CAMTA1: variants seen among roughly 807,000 people sequenced by gnomAD.
CAMTA1 encodes calmodulin-binding transcription activator 1.
Under a neutral mutation model 170.9 loss-of-function variants are expected in CAMTA1, and 27 were observed. The ratio of observed to expected loss-of-function variants is 0.16; its 90% CI spans 0.12 to 0.22. The LOEUF (loss-of-function observed/expected upper bound fraction) is 0.22. Ranked by LOEUF, CAMTA1 falls within the 10% of genes least tolerant of loss-of-function variation. The pLI, the probability that CAMTA1 is intolerant of heterozygous loss-of-function variation, is 1.00. For missense variants in CAMTA1, 1,619 were observed against 2,217.2 expected (o/e 0.73, Z 5.42); for synonymous variants, 833 against 891.5 (o/e 0.93, Z 1.17).
chr1:7,532,226 T>G lies in CAMTA1; in HGVS notation c.510+64325T>G, dbSNP rs1000608084. Among the ~76,000 whole-genome samples the G allele has an allele frequency of 1.3e-5, 2 of 152,164 alleles. No homozygotes were observed. The highest frequency in any genetic ancestry group is 2.9e-5 in the Non-Finnish European group (2 of 68,032). Reference sequence around the variant, plus strand: ...CTTCGGATTCTTGGTGGAGGGGACATTCTTGCACACTAGTGCCCTCAAGTC... The same window carrying G: ...CTTCGGATTCTTGGTGGAGGGGACAGTCTTGCACACTAGTGCCCTCAAGTC... On this transcript the variant is annotated intron_variant, in intron 6 of 22. Transcript: ENST00000303635. This position sits in a 1 kb window ranked among gnomAD's most constrained non-coding sequence, Gnocchi z 4.2.
intron 6 of CAMTA1, among the ~76,000 whole-genome samples, chr1:7,558,580 C>G (rs1199651241): frequency 6.6e-6 from 1 of 152,258 alleles, no homozygotes; most frequent in African/African-American, 2.4e-5. Context: ...TCCACTAGGG[C>G]TGATGGGCAG....
intron 6 of CAMTA1, among the ~76,000 whole-genome samples, chr1:7,553,219 G>GTGAATGAATGAGGGAA (rs70987356): frequency 1.9e-5 from 2 of 105,240 alleles, no homozygotes; most frequent in East Asian, 2.0e-4. Flanking sequence ...GAATAAGTGA[G>GTGAATGAATGAGGGAA]TGAATGAATG....
At chr1:6,809,793 C>T (rs1205554968) in intron 1 of CAMTA1, among the ~76,000 whole-genome samples, 1 of 151,938 alleles carries the variant, frequency 6.6e-6, no homozygotes, top group East Asian at 1.9e-4. Context: ...AATATGAATT[C>T]AGGGTTGCTG....
At chr1:6,907,566 C>T (rs1402598084) in intron 3 of CAMTA1, among the ~76,000 whole-genome samples, 1 of 152,182 alleles carries the variant, frequency 6.6e-6, no homozygotes, top group Non-Finnish European at 1.5e-5. Flanking sequence ...GAGCCAGGCA[C>T]CGTTCGGGGC....
In CAMTA1 at chr1:7,539,051, G is replaced by A. The variant is rs150929296; in HGVS notation, c.510+71150G>A. The stretch of plus-strand genomic sequence containing the variant: ...AGATCACAGCCTCCAGATGCAAACA[G>A]CCTGCCACCCTCAGGGCCAGGGTTG... On this transcript the variant is annotated intron_variant, in intron 6 of 22. Coordinates refer to ENST00000303635, the MANE Select transcript of CAMTA1 (RefSeq NM_015215.4). Among the ~76,000 whole-genome samples the A allele has an allele frequency of 2.6e-4, 40 of 152,342 alleles. No homozygotes were observed. The East Asian group carries it at 7.5e-3, about 29-fold the overall frequency.
rs377264622 is a variant in CAMTA1, at chr1:7,738,523, G to A, written c.4182+41G>A. 194 of 1,579,838 alleles carry A rather than the reference G, an allele frequency of 1.2e-4. 1 individual carries two copies. Among genetic ancestry groups the A allele is most frequent in the Middle Eastern group, 5.3e-4 (3 of 5,696 alleles). On this transcript the variant is annotated intron_variant, in intron 16 of 22. Coordinates refer to ENST00000303635, the MANE Select transcript of CAMTA1 (RefSeq NM_015215.4). The surrounding 1 kb of genome is among the most constrained non-coding windows in gnomAD (Gnocchi z 4.9). Reference sequence around the variant, plus strand: ...AGGGTAAGCCCGCAGAGGCTGGTGCGTTCCAGTTGCTGTGATCTTTATGGT... The same window carrying A: ...AGGGTAAGCCCGCAGAGGCTGGTGCATTCCAGTTGCTGTGATCTTTATGGT...
intron 3 of CAMTA1, among the ~76,000 whole-genome samples, chr1:6,870,474 A>G (rs1252792647): frequency 6.6e-6 from 1 of 152,164 alleles, no homozygotes; most frequent in Non-Finnish European, 1.5e-5. Context: ...GCATTTATAG[A>G]GTTTGTTTAT....
intron 6 of CAMTA1, among the ~76,000 whole-genome samples, chr1:7,579,109 G>A (rs1362683808): frequency 1.3e-5 from 2 of 152,256 alleles, no homozygotes; most frequent in Non-Finnish European, 2.9e-5. Flanking sequence ...GAGACCTGGG[G>A]CAACAGACGG....
chr1:7,297,704 C>T (rs942201546), intron 5 of CAMTA1, among the ~76,000 whole-genome samples: 1 of 152,202 alleles, frequency 6.6e-6, no homozygotes, highest in African/African-American at 2.4e-5. Flanking sequence ...TGATTTTTGC[C>T]TTCTCCTATA....
At chr1:6,848,342 A>G (rs1465741067) in intron 3 of CAMTA1, among the ~76,000 whole-genome samples, 3 of 152,172 alleles carry the variant, frequency 2.0e-5, no homozygotes, top group South Asian at 4.1e-4. Context: ...TTGTAAAGAC[A>G]GAGTCTCCCT....
At position 7,680,853 on chromosome 1, in the gene CAMTA1, C is replaced by CCA. The variant is rs2096190235; in HGVS notation, c.2914+3120_2914+3121insCA. Among the ~76,000 whole-genome samples the CCA allele has an allele frequency of 2.6e-5, 3 of 115,518 alleles. No homozygotes were observed. Among genetic ancestry groups the CCA allele is most frequent in the Middle Eastern group, 4.6e-3 (1 of 216 alleles). The allele number at this position is 115,518 out of a possible 152,430, so 75.8% of individuals were successfully genotyped here. ...GGGGCGCAGAGAACACGCGCGCGCG[C>CCA]GCGCGCGCCAGCAGCAGCAGCAGCA... On this transcript the variant is annotated intron_variant, in intron 11 of 22. Transcript: ENST00000303635. This position sits in a 1 kb window ranked among gnomAD's most constrained non-coding sequence, Gnocchi z 4.4.
In CAMTA1 at chr1:7,473,572, A is replaced by T. The variant is rs1055737509; in HGVS notation, c.510+5671A>T. ...CCCAGACACAGGCCCTATAGGCCTC[A>T]GCCCAGGCATGCCCCCAGGGAGTCC... On this transcript the variant is annotated intron_variant, in intron 6 of 22. Transcript: ENST00000303635. 2.0e-5 allele frequency among the ~76,000 whole-genome samples: 3 copies of T among 152,216 alleles called. No individual in the cohort carries two copies. The East Asian group carries it at 5.8e-4, about 29-fold the overall frequency.
rs1303435771 is a variant in CAMTA1 at position 7,007,265 on chromosome 1, T to C, written c.235-84039T>C. On this transcript the variant is annotated intron_variant, in intron 3 of 22. Coordinates refer to ENST00000303635, the MANE Select transcript of CAMTA1 (RefSeq NM_015215.4). This position sits in a 1 kb window ranked among gnomAD's most constrained non-coding sequence, Gnocchi z 4.5. ...CACATTGTCACAGCAGCTTGGAGCG[T>C]GGAAGCACACATATAATCATCACTT... Among the ~76,000 whole-genome samples the C allele has an allele frequency of 2.0e-5, 3 of 152,080 alleles. No individual in the cohort carries two copies. Among genetic ancestry groups the C allele is most frequent in the Non-Finnish European group, 1.5e-5 (1 of 68,020 alleles).
chr1:7,219,103 G>A (rs1303983253), intron 4 of CAMTA1, among the ~76,000 whole-genome samples: 1 of 152,182 alleles, frequency 6.6e-6, no homozygotes, highest in East Asian at 1.9e-4. Flanking sequence ...TAAAAGGTCT[G>A]CTCTCTTACG....
intron 3 of CAMTA1, among the ~76,000 whole-genome samples, chr1:6,882,355 G>A (rs1671858802): frequency 6.6e-6 from 1 of 152,214 alleles, no homozygotes; most frequent in South Asian, 2.1e-4. Flanking sequence ...TTGATCCCTG[G>A]TTTGGGATAG....
intron 12 of CAMTA1, among the ~76,000 whole-genome samples, chr1:7,733,671 C>CAA (rs71567312): frequency 8.9e-4 from 135 of 151,730 alleles, no homozygotes; most frequent in Non-Finnish European, 9.0e-4. Flanking sequence ...TCAGTCGTTG[C>CAA]AAAAAAAACC....
chr1:6,995,295 C>CTTTTCTT (rs1697047615), intron 3 of CAMTA1, among the ~76,000 whole-genome samples: 1 of 60,622 alleles, frequency 1.6e-5, no homozygotes, highest in Non-Finnish European at 2.9e-5. Context: ...TTTTTCTTTT[C>CTTTTCTT]TTTTTTTTTT....
chr1:7,613,184 G>A (rs1396612828), intron 6 of CAMTA1, among the ~76,000 whole-genome samples: 1 of 152,248 alleles, frequency 6.6e-6, no homozygotes, highest in Admixed American at 6.5e-5. Flanking sequence ...GGGATGGGAT[G>A]TAGATGAGTG....
intron 6 of CAMTA1, among the ~76,000 whole-genome samples, chr1:7,512,788 A>G (rs1173235960): frequency 2.0e-5 from 3 of 152,194 alleles, no homozygotes; most frequent in Non-Finnish European, 1.5e-5. Context: ...GCCCCTGAGA[A>G]GGTGTCTCCT....
Sources: allele counts gnomAD v4.1 joint callset (sites outside exome capture counted in the v4.1 genomes callset), GRCh38; gene constraint gnomAD v4.1.1; non-coding constraint Gnocchi (gnomAD v3.1); transcripts MANE v1.5; gene names NCBI Gene and HGNC (gene_info 2026-07-23, HGNC 2026-07-21).